The following PCDHGB2 variants were observed in gnomAD, a reference collection of about 807,000 sequenced individuals.
PCDHGB2 encodes the protein protocadherin gamma subfamily B, 2, also known as protocadherin gamma-B2.
PCDHGB2 carries 55 observed loss-of-function variants against 59.3 expected under a neutral mutation model. That is an observed-to-expected ratio of 0.93 (90% CI 0.75 to 1.16). The LOEUF (loss-of-function observed/expected upper bound fraction) is 1.16. Among genes scored for constraint, PCDHGB2 ranks in the 50% most tolerant of loss-of-function variants. PCDHGB2 has a pLI of 0.00. For missense variants in PCDHGB2, 1,228 were observed against 1,198.5 expected (o/e 1.02, Z -0.36); for synonymous variants, 516 against 512.0 (o/e 1.01, Z -0.11).
chr5:141,366,642 C>T, intron 1 of PCDHGB2: 2 of 1,614,238 alleles, frequency 1.2e-6, no homozygotes, highest in Non-Finnish European at 1.7e-6. Flanking sequence ...CTGATCTTTC[C>T]CCAGCCCAAC....
intron 1 of PCDHGB2, chr5:141,416,047 A>T (rs2095986655): frequency 1.6e-5 from 3 of 187,858 alleles, no homozygotes; most frequent in Non-Finnish European, 3.2e-5. Context: ...TGGAAACACA[A>T]CCCAAATCCA....
chr5:141,394,502 G>T, intron 1 of PCDHGB2: 1 of 1,614,226 alleles, frequency 6.2e-7, no homozygotes, highest in Non-Finnish European at 8.5e-7. Flanking sequence ...CCGAGATCCT[G>T]TACCCCGCCC....
intron 1 of PCDHGB2, chr5:141,385,153 A>T: frequency 6.2e-7 from 1 of 1,614,128 alleles, no homozygotes; most frequent in South Asian, 1.1e-5. Flanking sequence ...TTTCCTGCAG[A>T]CCTATTCCCA....
chr5:141,491,964 C>T lies in PCDHGB2; in HGVS notation c.2422-2843C>T, dbSNP rs1382490003. 2.1e-6 allele frequency: 2 copies of T among 943,836 alleles called. No individual in the cohort carries two copies. The highest frequency in any genetic ancestry group is 3.0e-6 in the Non-Finnish European group (2 of 671,104). 58.5% of individuals were successfully genotyped at this position (943,836 alleles called of 1,614,324 possible). On this transcript the variant is annotated intron_variant, in intron 1 of 3. Transcript: ENST00000522605. The surrounding 1 kb of genome is among the most constrained non-coding windows in gnomAD (Gnocchi z 6.9). ...CCCCACCCCTACACTCAAAAAAGGC[C>T]GGGGCCTCCTTCGAGCTTCCGGTGA...
chr5:141,407,651 G>A (rs1005294855), intron 1 of PCDHGB2, among the ~76,000 whole-genome samples: 1 of 151,926 alleles, frequency 6.6e-6, no homozygotes, highest in African/African-American at 2.4e-5. Flanking sequence ...AATAATGGGG[G>A]AGCGCAGTAT....
At chr5:141,389,328 A>T in intron 1 of PCDHGB2, 1 of 1,613,972 alleles carries the variant, frequency 6.2e-7, no homozygotes. Flanking sequence ...CTTGGGGCCC[A>T]ACGGCCAAGT....
At position 141,491,093 on chromosome 5, in the gene PCDHGB2, T is replaced by G; in HGVS notation, c.2422-3714T>G. The G allele has an allele frequency of 6.2e-7, 1 of 1,614,160 alleles. No individual in the cohort carries two copies. The highest frequency in any genetic ancestry group is 8.5e-7 in the Non-Finnish European group (1 of 1,180,008). On this transcript the variant is annotated intron_variant, in intron 1 of 3. Transcript: ENST00000522605. This position sits in a 1 kb window ranked among gnomAD's most constrained non-coding sequence, Gnocchi z 6.9. ...TTGCCACAGTCCACAGCCCCAGGAC[T>G]GTTCCTCGTGTCTACACACACTGGT... is the stretch of plus-strand genomic sequence containing the variant.
rs1292277026 is a variant in PCDHGB2 at position 141,489,814 on chromosome 5, CCA to C, written c.2422-4992_2422-4991del. 6 of 1,614,024 alleles carry C rather than the reference CCA, an allele frequency of 3.7e-6. No homozygotes were observed. Among genetic ancestry groups the C allele is most frequent in the Non-Finnish European group, 8.5e-7 (1 of 1,180,004 alleles). ...GACCCTAAAAGATGGGAAGCCATTC[CCA>C]GAGCTGGTGCTAGAGCAGCAGCTGG... On this transcript the variant is annotated intron_variant, in intron 1 of 3. Transcript: ENST00000522605. This position sits in a 1 kb window ranked among gnomAD's most constrained non-coding sequence, Gnocchi z 4.5.
chr5:141,375,868 C>G (rs1259625295), intron 1 of PCDHGB2: 1 of 1,613,938 alleles, frequency 6.2e-7, no homozygotes. Flanking sequence ...TGGCGGTGGA[C>G]AGAGACTCGG....
intron 1 of PCDHGB2, chr5:141,428,732 T>C (rs976924838): frequency 1.3e-5 from 2 of 159,284 alleles, no homozygotes; most frequent in African/African-American, 4.8e-5. Context: ...CTTAAACATA[T>C]TATATCTACT....
At chr5:141,385,401 T>C in intron 1 of PCDHGB2, 1 of 1,490,222 alleles carries the variant, frequency 6.7e-7, no homozygotes, top group Non-Finnish European at 8.9e-7. Context: ...AAACAAATGT[T>C]TTGAAAATAG....
At chr5:141,370,834 T>C in intron 1 of PCDHGB2, 1 of 1,614,012 alleles carries the variant, frequency 6.2e-7, no homozygotes. Context: ...GAACTGGCTC[T>C]CACTGGAGCC....
chr5:141,407,735 T>C (rs2094975330), intron 1 of PCDHGB2, among the ~76,000 whole-genome samples: 1 of 152,246 alleles, frequency 6.6e-6, no homozygotes, highest in Non-Finnish European at 1.5e-5. Context: ...GTTCACTATA[T>C]ATACTCCCTA....
intron 1 of PCDHGB2, among the ~76,000 whole-genome samples, chr5:141,435,412 T>C (rs2097761991): frequency 6.6e-6 from 1 of 152,222 alleles, no homozygotes; most frequent in Non-Finnish European, 1.5e-5. Flanking sequence ...TGGTAAAGAC[T>C]ATTTTTCACT....
chr5:141,368,946 T>C (rs1330631003), intron 1 of PCDHGB2, among the ~76,000 whole-genome samples: 1 of 152,202 alleles, frequency 6.6e-6, no homozygotes, highest in Non-Finnish European at 1.5e-5. Context: ...CTGGTTACTG[T>C]GAGTAGTTTA....
chr5:141,491,938 C>A lies in PCDHGB2; in HGVS notation c.2422-2869C>A, dbSNP rs1207647899. Reference sequence around the variant, plus strand: ...TGTGGGCGAGGGGAGGTGGGACCGACCCCCACCCCTACACTCAAAAAAGGC... The same window carrying A: ...TGTGGGCGAGGGGAGGTGGGACCGAACCCCACCCCTACACTCAAAAAAGGC... On this transcript the variant is annotated intron_variant, in intron 1 of 3. Transcript: ENST00000522605. This position sits in a 1 kb window ranked among gnomAD's most constrained non-coding sequence, Gnocchi z 6.9. 1.7e-6 allele frequency: 2 copies of A among 1,199,072 alleles called. No homozygotes were observed. The highest frequency in any genetic ancestry group is 3.1e-5 in the Admixed American group (1 of 32,246). The allele number at this position is 1,199,072 out of a possible 1,614,324, so 74.3% of individuals were successfully genotyped here. A position where few individuals can be genotyped will look rare whatever the true frequency, so the allele number is the denominator to read the frequency against.
intron 1 of PCDHGB2, among the ~76,000 whole-genome samples, chr5:141,447,851 C>A (rs961725006): frequency 6.6e-6 from 1 of 151,980 alleles, no homozygotes; most frequent in African/African-American, 2.4e-5. Flanking sequence ...TTTGGGAGGC[C>A]GAGGTGGGTG....
In PCDHGB2 at chr5:141,381,826, C is replaced by CTTTTTTTT. The variant is rs770630741; in HGVS notation, c.2421+19285_2421+19292dup. Among the ~76,000 whole-genome samples, 48 of 74,286 alleles carry CTTTTTTTT rather than the reference C, an allele frequency of 6.5e-4. 1 individual carries two copies. Among genetic ancestry groups the CTTTTTTTT allele is most frequent in the African/African-American group, 1.0e-3 (17 of 16,198 alleles). 48.7% of individuals were successfully genotyped at this position (74,286 alleles called of 152,430 possible). On this transcript the variant is annotated intron_variant, in intron 1 of 3. Coordinates refer to ENST00000522605, the MANE Select transcript of PCDHGB2 (RefSeq NM_018923.3). Reference sequence around the variant, plus strand: ...TTTCTTTCTTTCTTTCTTTCTTCTTCTTTTTTTTTTTTTTTTTTTTTTGGC... The same window carrying CTTTTTTTT: ...TTTCTTTCTTTCTTTCTTTCTTCTTCTTTTTTTTTTTTTTTTTTTTTTTTTTTTTTGGC...
In PCDHGB2 at chr5:141,431,482, G is replaced by C. The variant is rs781371030; in HGVS notation, c.2422-63325G>C. ...TGGATGCGAACGACAACGCACCAGCGTTTGCTCAGCCCGAGTACCGCGCGA... is the reference window on the plus strand; with the variant it reads ...TGGATGCGAACGACAACGCACCAGCCTTTGCTCAGCCCGAGTACCGCGCGA... On this transcript the variant is annotated intron_variant, in intron 1 of 3. Coordinates refer to ENST00000522605, the MANE Select transcript of PCDHGB2 (RefSeq NM_018923.3). The surrounding 1 kb of genome is among the most constrained non-coding windows in gnomAD (Gnocchi z 4.8). The C allele has an allele frequency of 6.8e-6, 11 of 1,613,800 alleles. No individual in the cohort carries two copies. The Admixed American group carries it at 1.3e-4, about 20-fold the overall frequency.
Sources: allele counts gnomAD v4.1 joint callset (sites outside exome capture counted in the v4.1 genomes callset), GRCh38; gene constraint gnomAD v4.1.1; non-coding constraint Gnocchi (gnomAD v3.1); transcripts MANE v1.5; gene names NCBI Gene and HGNC (gene_info 2026-07-23, HGNC 2026-07-21).